FAM120B: variants seen among roughly 807,000 people sequenced by gnomAD.
FAM120B encodes constitutive coactivator of peroxisome proliferator-activated receptor gamma.
A neutral mutation model predicts 96.3 loss-of-function variants in FAM120B; 83 were observed. That is an observed-to-expected ratio of 0.86 (90% CI 0.72 to 1.03). The LOEUF (loss-of-function observed/expected upper bound fraction) is 1.03. FAM120B is among the 50% of genes least tolerant of loss of function. The pLI, the probability that FAM120B is intolerant of heterozygous loss-of-function variation, is 0.00. For missense variants in FAM120B, 1,027 were observed against 1,121.2 expected (o/e 0.92, Z 1.20); for synonymous variants, 407 against 402.7 (o/e 1.01, Z -0.13).
upstream of FAM120B, among the ~76,000 whole-genome samples, chr6:170,294,138 G>A (rs1783946689): frequency 6.6e-6 from 1 of 152,186 alleles, no homozygotes; most frequent in Non-Finnish European, 1.5e-5. This position sits in a 1 kb window ranked among gnomAD's most constrained non-coding sequence, Gnocchi z 7.9. Flanking sequence ...GCAGGAGGGA[G>A]CTTAAGCCAG....
At chr6:170,386,811 G>A (rs1790214572) in intron 6 of FAM120B, among the ~76,000 whole-genome samples, 1 of 152,154 alleles carries the variant, frequency 6.6e-6, no homozygotes, top group South Asian at 2.1e-4. Context: ...TAGAAATTTA[G>A]GCCATTCTGT....
In FAM120B at chr6:170,317,832, C is replaced by CT; in HGVS notation, c.443dup (p.Gln150ProfsTer13). ...GTTTACACGATTTGCTCTAAAGACA[C>CT]TGGGCCAGGAAACTTTGTGTTCTTT... is the stretch of plus-strand genomic sequence containing the variant. On this transcript the variant is annotated frameshift_variant, in exon 2 of 11. Transcript: ENST00000476287. LOFTEE classifies it high-confidence loss of function. 6.2e-7 allele frequency: 1 copy of CT among 1,614,244 alleles called. No individual in the cohort carries two copies. The highest frequency in any genetic ancestry group is 1.1e-5 in the South Asian group (1 of 91,090).
intron 5 of FAM120B, among the ~76,000 whole-genome samples, chr6:170,354,908 A>G (rs1787800918): frequency 1.3e-5 from 2 of 152,322 alleles, no homozygotes; most frequent in Non-Finnish European, 1.5e-5. Context: ...CAGCCTGGGC[A>G]ATAGAGTGAG....
Position 170,404,559 on chromosome 6 carries a change from A to G in FAM120B, c.2702A>G (p.Gln901Arg), listed in dbSNP as rs1221898902. The G allele has an allele frequency of 1.2e-6, 2 of 1,613,922 alleles. No individual in the cohort carries two copies. Among genetic ancestry groups the G allele is most frequent in the African/African-American group, 1.3e-5 (1 of 74,942 alleles). The change falls in exon 10 of 11, where the codon CAG becomes CGG. Residue 901 changes from glutamine (Q) to arginine (R), a missense_variant. Coordinates refer to ENST00000476287, the MANE Select transcript of FAM120B (RefSeq NM_032448.3). ...TGTCTGTTTACTGCAGGAAGCAGAC[A>G]GTATGAGCATGACCAGTGGAGAAGG... ...PWRDQGPGSRQYEHDQWRRY is the reference protein window; with the variant it reads ...PWRDQGPGSRRYEHDQWRRY
intron 1 of FAM120B, among the ~76,000 whole-genome samples, 173 bp downstream of exon 1, chr6:170,307,015 T>C (rs3800265): frequency 0.1 from 15,695 of 152,150 alleles, 1,030 homozygotes; most frequent in East Asian, 0.2. Context: ...CATCATGGGA[T>C]CCTCGCGTCC....
In FAM120B at chr6:170,359,380, C is replaced by A. The variant is rs186975909; in HGVS notation, c.2283+1062C>A. Among the ~76,000 whole-genome samples the A allele has an allele frequency of 2.7e-5, 4 of 145,914 alleles. No homozygotes were observed. The East Asian group carries it at 8.0e-4, about 29-fold the overall frequency. On this transcript the variant is annotated intron_variant, in intron 6 of 10. Transcript: ENST00000476287. Reference sequence around the variant, plus strand: ...TGCACTCCAACCTGGGCAACAAGAGCGAAACTCTGTCTCAAAAAAAAAAAA... The same window carrying A: ...TGCACTCCAACCTGGGCAACAAGAGAGAAACTCTGTCTCAAAAAAAAAAAA...
chr6:170,349,551 A>G (rs1178574974), intron 5 of FAM120B, among the ~76,000 whole-genome samples: 3 of 152,126 alleles, frequency 2.0e-5, no homozygotes, highest in Admixed American at 6.5e-5. Context: ...TGCTTAGAGG[A>G]TTTATTGCTT....
At chr6:170,295,256 ACACT>A (rs1303120512), upstream of FAM120B, 3 of 606,944 alleles carry the variant, frequency 4.9e-6, no homozygotes, top group Non-Finnish European at 6.0e-6. This position sits in a 1 kb window ranked among gnomAD's most constrained non-coding sequence, Gnocchi z 7.8. Flanking sequence ...CCCAACACAC[ACACT>A]CACTGGGCCA....
At chr6:170,351,936 A>G (rs918230752) in intron 5 of FAM120B, among the ~76,000 whole-genome samples, 2 of 152,240 alleles carry the variant, frequency 1.3e-5, no homozygotes, top group East Asian at 3.8e-4. Context: ...TTCACACAGA[A>G]CAATAGTAAC....
At chr6:170,356,820 T>G (rs1217320350) in intron 5 of FAM120B, among the ~76,000 whole-genome samples, 3 of 152,198 alleles carry the variant, frequency 2.0e-5, no homozygotes, top group Non-Finnish European at 4.4e-5. Flanking sequence ...ATGATTTTAT[T>G]AGAGACTCAT....
chr6:170,318,141 A>G lies in FAM120B; in HGVS notation c.751A>G (p.Thr251Ala). ...TAGGTACAAATGCTTATCGTCCTAC[A>G]CCTCTGTAAAAGAGAACTTTGACAA... Reference protein sequence around the residue: ...SFRYKCLSSYTSVKENFDKKG... With the variant: ...SFRYKCLSSYASVKENFDKKG... Residue 251 changes from threonine to alanine, a missense_variant, in exon 2 of 11, where the codon ACC becomes GCC. Transcript: ENST00000476287. 6.2e-7 allele frequency: 1 copy of G among 1,614,200 alleles called. No individual in the cohort carries two copies. The highest frequency in any genetic ancestry group is 8.5e-7 in the Non-Finnish European group (1 of 1,180,042).
At chr6:170,325,532 C>CA (rs1554279652) in intron 3 of FAM120B, among the ~76,000 whole-genome samples, 3 of 140,126 alleles carry the variant, frequency 2.1e-5, no homozygotes, top group Non-Finnish European at 4.6e-5. Flanking sequence ...TTAGATTTAC[C>CA]TTTAAAAAAA....
chr6:170,373,972 C>G lies in FAM120B; in HGVS notation c.2284-14315C>G, dbSNP rs61306645. On this transcript the variant is annotated intron_variant, in intron 6 of 10. Coordinates refer to ENST00000476287, the MANE Select transcript of FAM120B (RefSeq NM_032448.3). ...GCTGCTGGCATGCCAGATCATTCCT[C>G]AGTTCTACCTGGATTGTTTACACGG... 7.4e-3 allele frequency among the ~76,000 whole-genome samples: 1,121 copies of G among 152,264 alleles called. 11 individuals are homozygous for G. Among genetic ancestry groups the G allele is most frequent in the African/African-American group, 0.026 (1,065 of 41,532 alleles).
rs983699605 is a variant in FAM120B, at chr6:170,369,689, G to C, written c.2283+11371G>C. The stretch of plus-strand genomic sequence containing the variant: ...CCTTTGCCTCAGCAAACTTAGGGTA[G>C]TTTTTTTTTTTTTTTTTTTCCTGCT... On this transcript the variant is annotated intron_variant, in intron 6 of 10. Transcript: ENST00000476287. Among the ~76,000 whole-genome samples, 16 of 133,610 alleles carry C rather than the reference G, an allele frequency of 1.2e-4. 1 individual carries two copies. The Admixed American group carries it at 1.2e-3, about 10-fold the overall frequency. The allele number at this position is 133,610 out of a possible 152,430, so 87.7% of individuals were successfully genotyped here. A position where few individuals can be genotyped will look rare whatever the true frequency, so the allele number is the denominator to read the frequency against.
At chr6:170,302,542 AG>A (rs1784164558), upstream of FAM120B, among the ~76,000 whole-genome samples, 1 of 152,368 alleles carries the variant, frequency 6.6e-6, no homozygotes, top group South Asian at 2.1e-4. Context: ...GTCTATTTAA[AG>A]GGTCAACTTG....
At chr6:170,372,513 A>C (rs1044584878) in intron 6 of FAM120B, among the ~76,000 whole-genome samples, 1 of 152,196 alleles carries the variant, frequency 6.6e-6, no homozygotes, top group Non-Finnish European at 1.5e-5. Context: ...CTTAGAAGAT[A>C]GTCTAATTTT....
At chr6:170,337,252 A>T (rs1786496026) in intron 4 of FAM120B, among the ~76,000 whole-genome samples, 1 of 152,158 alleles carries the variant, frequency 6.6e-6, no homozygotes, top group Non-Finnish European at 1.5e-5. Flanking sequence ...AGGGCTGTTG[A>T]ATTTTATCGA....
chr6:170,363,974 G>A lies in FAM120B; in HGVS notation c.2283+5656G>A, dbSNP rs1788621612. ...TCTGGAACTCCTGACCTTCAGTGATGGGCCTGCATCAGCCTCCCACAGTGC... is the reference window on the plus strand; with the variant it reads ...TCTGGAACTCCTGACCTTCAGTGATAGGCCTGCATCAGCCTCCCACAGTGC... On this transcript the variant is annotated intron_variant, in intron 6 of 10. Coordinates refer to ENST00000476287, the MANE Select transcript of FAM120B (RefSeq NM_032448.3). This position sits in a 1 kb window ranked among gnomAD's most constrained non-coding sequence, Gnocchi z 4.5. Among the ~76,000 whole-genome samples the A allele has an allele frequency of 6.6e-6, 1 of 152,086 alleles. No individual in the cohort carries two copies. Among genetic ancestry groups the A allele is most frequent in the Non-Finnish European group, 1.5e-5 (1 of 68,016 alleles).
chr6:170,375,937 A>T (rs954107481), intron 6 of FAM120B, among the ~76,000 whole-genome samples: 9 of 152,190 alleles, frequency 5.9e-5, no homozygotes, highest in Admixed American at 4.6e-4. Context: ...AAGAGAGAGC[A>T]TAGAAATTCC....
Sources: gnomAD v4.1 joint callset for allele counts (sites outside exome capture counted in the v4.1 genomes callset) on GRCh38, gnomAD v4.1.1 for gene constraint, Gnocchi (gnomAD v3.1) non-coding constraint, MANE v1.5 for transcripts, NCBI Gene and HGNC (gene_info 2026-07-23, HGNC 2026-07-21) for gene names.